KRIT1: variants seen among roughly 807,000 people sequenced by gnomAD.
The protein encoded by KRIT1 is KRIT1 ankyrin repeat containing.
KRIT1 carries 45 observed loss-of-function variants against 95.8 expected under a neutral mutation model. The observed-to-expected ratio is 0.47, with a 90% CI of 0.37 to 0.60. The LOEUF (loss-of-function observed/expected upper bound fraction) is 0.60, where lower values mean the gene tolerates loss of function less well. Ranked by LOEUF, KRIT1 falls within the 20% of genes least tolerant of loss-of-function variation. The pLI is 0.00. For synonymous variants in KRIT1, 282 were observed against 278.8 expected (o/e 1.01, Z -0.11); for missense variants, 788 against 877.5 (o/e 0.90, Z 1.29).
chr7:92,228,349 G>T (rs189459330), intron 10 of KRIT1, among the ~76,000 whole-genome samples: 4 of 152,288 alleles, frequency 2.6e-5, no homozygotes, highest in Non-Finnish European at 5.9e-5. Context: ...GTAATTTGTT[G>T]TGTGGAAATA....
In KRIT1 at chr7:92,244,023, C is replaced by T. The variant is rs367707204; in HGVS notation, c.-24G>A. 2.0e-5 allele frequency: 3 copies of T among 152,136 alleles called. No homozygotes were observed. Among genetic ancestry groups the T allele is most frequent in the African/African-American group, 4.8e-5 (2 of 41,448 alleles). The allele number at this position is 152,136 out of a possible 1,614,324, so 9.4% of individuals were successfully genotyped here. On this transcript the variant is annotated 5_prime_UTR_variant, in exon 3 of 19. The change abolishes an upstream ATG in the 5' untranslated region. Coordinates refer to ENST00000394505, the MANE Select transcript of KRIT1 (RefSeq NM_194454.3). ...CCACCTCATGCAACAGACCTTCCTACATCATGTGAAAAGGATGAGGCCTTT... is the reference window on the plus strand; with the variant it reads ...CCACCTCATGCAACAGACCTTCCTATATCATGTGAAAAGGATGAGGCCTTT...
At chr7:92,235,310 T>C (rs1798196598) in intron 8 of KRIT1, 93 bp downstream of exon 8, 6 of 1,278,028 alleles carry the variant, frequency 4.7e-6, no homozygotes, top group African/African-American at 1.5e-5. Flanking sequence ...TTCATGTTTA[T>C]AATTAGTAAT....
At chr7:92,231,892 G>C (rs928377336) in intron 10 of KRIT1, among the ~76,000 whole-genome samples, 5 of 152,054 alleles carry the variant, frequency 3.3e-5, no homozygotes, top group African/African-American at 1.2e-4. Context: ...ATAAATTTTA[G>C]ATTCAGACAT....
rs537966844 is a variant in KRIT1 at position 92,232,786 on chromosome 7, C to T, written c.989+1663G>A. Reference sequence around the variant, plus strand: ...TCAGCTCACTGCAAGCTCCGCCTCGCGGGTTCACACCATTCTCCTGCCTCA... The same window carrying T: ...TCAGCTCACTGCAAGCTCCGCCTCGTGGGTTCACACCATTCTCCTGCCTCA... On this transcript the variant is annotated intron_variant, in intron 10 of 18. Transcript: ENST00000394505. Among the ~76,000 whole-genome samples the T allele has an allele frequency of 2.4e-4, 36 of 152,168 alleles. No homozygotes were observed. The South Asian group carries it at 3.9e-3, about 17-fold the overall frequency.
intron 14 of KRIT1, among the ~76,000 whole-genome samples, chr7:92,218,034 T>C (rs751862713): frequency 5.9e-5 from 9 of 152,178 alleles, no homozygotes; most frequent in Non-Finnish European, 1.0e-4. Context: ...GTTTGCTGGC[T>C]ATTTATATAT....
intron 17 of KRIT1, chr7:92,202,416 A>G (rs1252064117): frequency 1.3e-5 from 2 of 152,202 alleles, no homozygotes; most frequent in African/African-American, 4.8e-5. Flanking sequence ...GACATTCAAT[A>G]TATCCTTGTT....
chr7:92,242,932 C>G (rs529629253), intron 3 of KRIT1, among the ~76,000 whole-genome samples: 1 of 152,306 alleles, frequency 6.6e-6, no homozygotes, highest in South Asian at 2.1e-4. Context: ...TCCCTCCTGC[C>G]TCAGCCTCCT....
intron 17 of KRIT1, among the ~76,000 whole-genome samples, chr7:92,212,800 C>T (rs761759724): frequency 8.5e-4 from 129 of 152,114 alleles, no homozygotes; most frequent in Admixed American, 1.4e-3. Context: ...ACCTGGTTCC[C>T]TTCTCTAAAG....
At chr7:92,229,286 A>G (rs1481959299) in intron 10 of KRIT1, among the ~76,000 whole-genome samples, 1 of 152,168 alleles carries the variant, frequency 6.6e-6, no homozygotes, top group African/African-American at 2.4e-5. Flanking sequence ...AGCCATTCTG[A>G]CTGGTGTGAG....
rs1255035843 is a variant in KRIT1 at position 92,224,174 on chromosome 7, T to C, written c.1255-1196A>G. Among the ~76,000 whole-genome samples, 6 of 152,336 alleles carry C rather than the reference T, an allele frequency of 3.9e-5. No individual in the cohort carries two copies. The South Asian group carries it at 1.0e-3, about 26-fold the overall frequency. ...CTTTGTCATGTTAAATCCAAAGAGA[T>C]ACTCAACAAATACTTATTGCATAGT... On this transcript the variant is annotated intron_variant, in intron 12 of 18. Transcript: ENST00000394505.
intron 11 of KRIT1, 29 bp downstream of exon 11, chr7:92,226,497 T>C: frequency 6.4e-7 from 1 of 1,559,490 alleles, no homozygotes; most frequent in South Asian, 1.1e-5. Context: ...GCTTGAATAT[T>C]ATTTTTAAAA....
At chr7:92,241,607 T>G (rs1425959082) in intron 4 of KRIT1, among the ~76,000 whole-genome samples, 1 of 152,246 alleles carries the variant, frequency 6.6e-6, no homozygotes, top group East Asian at 1.9e-4. Flanking sequence ...TAAATACGAT[T>G]CAACACTACA....
intron 11 of KRIT1, among the ~76,000 whole-genome samples, chr7:92,226,103 T>C (rs576831033): frequency 2.6e-4 from 39 of 152,312 alleles, no homozygotes; most frequent in African/African-American, 9.4e-4. Context: ...CTTTATGATA[T>C]TCCTTTTTAT....
At chr7:92,227,821 G>A (rs1192948292) in intron 10 of KRIT1, among the ~76,000 whole-genome samples, 3 of 151,922 alleles carry the variant, frequency 2.0e-5, no homozygotes, top group Non-Finnish European at 4.4e-5. Context: ...AGACCAGCCT[G>A]GCCAACATGG....
intron 17 of KRIT1, among the ~76,000 whole-genome samples, chr7:92,208,594 C>G (rs771054404): frequency 6.6e-6 from 1 of 151,896 alleles, no homozygotes; most frequent in Admixed American, 6.6e-5. Flanking sequence ...GATAGGCTAA[C>G]AAATTGGAAA....
rs569193902 is a variant in KRIT1 at position 92,219,576 on chromosome 7, C to T, written c.1563+2326G>A. On this transcript the variant is annotated intron_variant, in intron 14 of 18. Transcript: ENST00000394505. ...GGTGTGCTTTGAAATTGAGTAATGT[C>T]AATCTCTCAACTTCATTCTTCTTAA... Among the ~76,000 whole-genome samples, 5 of 152,232 alleles carry T rather than the reference C, an allele frequency of 3.3e-5. No individual in the cohort carries two copies. In the South Asian group the frequency reaches 1.0e-3, roughly 32 times the overall value.
chr7:92,224,621 T>C (rs1015283425), intron 12 of KRIT1, among the ~76,000 whole-genome samples: 3 of 152,218 alleles, frequency 2.0e-5, no homozygotes, highest in African/African-American at 7.2e-5. Flanking sequence ...TTAATAGCTA[T>C]GTATGCCAGC....
At chr7:92,225,110 G>A (rs1032359726) in intron 12 of KRIT1, among the ~76,000 whole-genome samples, 3 of 151,952 alleles carry the variant, frequency 2.0e-5, no homozygotes, top group Non-Finnish European at 2.9e-5. Context: ...CTGAGATCGC[G>A]CCATTGTATT....
chr7:92,223,800 T>C (rs1163269839), intron 12 of KRIT1, among the ~76,000 whole-genome samples: 3 of 152,184 alleles, frequency 2.0e-5, no homozygotes, highest in Non-Finnish European at 4.4e-5. Flanking sequence ...TCCCCCAGTT[T>C]AGAAAATTCC....
Sources: allele counts gnomAD v4.1 joint callset (sites outside exome capture counted in the v4.1 genomes callset), GRCh38; gene constraint gnomAD v4.1.1; transcripts MANE v1.5; gene names NCBI Gene and HGNC (gene_info 2026-07-23, HGNC 2026-07-21).